CSMD1: variants seen among roughly 807,000 people sequenced by gnomAD.
CSMD1 encodes CUB and Sushi multiple domains 1.
Under a neutral mutation model 417.5 loss-of-function variants are expected in CSMD1, and 213 were observed. The observed-to-expected ratio is 0.51, with a 90% CI of 0.46 to 0.57. The LOEUF (loss-of-function observed/expected upper bound fraction) is 0.57. CSMD1 is among the 20% of genes least tolerant of loss of function. CSMD1 has a pLI of 0.00. For missense variants in CSMD1, 6,923 were observed against 4,529.7 expected (o/e 1.53, Z -15.17); for synonymous variants, 2,862 against 1,736.8 (o/e 1.65, Z -16.11).
chr8:4,683,156 T>C (rs1806153194), intron 1 of CSMD1, among the ~76,000 whole-genome samples: 2 of 151,960 alleles, frequency 1.3e-5, no homozygotes, highest in Admixed American at 6.6e-5. Flanking sequence ...TCTGATCTGT[T>C]AATGTTTTTA....
chr8:4,230,287 A>G (rs1362170894), intron 3 of CSMD1, among the ~76,000 whole-genome samples: 1 of 152,216 alleles, frequency 6.6e-6, no homozygotes, highest in Non-Finnish European at 1.5e-5. Flanking sequence ...GATTTATATT[A>G]AAACATTTAA....
At chr8:3,729,268 G>T (rs1445547811) in intron 6 of CSMD1, among the ~76,000 whole-genome samples, 1 of 152,170 alleles carries the variant, frequency 6.6e-6, no homozygotes, top group Non-Finnish European at 1.5e-5. Context: ...CTTGCTACAG[G>T]AAGTGTTCAC....
intron 7 of CSMD1, among the ~76,000 whole-genome samples, chr8:3,668,317 G>A (rs1365016376): frequency 6.6e-6 from 1 of 152,194 alleles, no homozygotes; most frequent in Non-Finnish European, 1.5e-5. Context: ...GGATTAGGAA[G>A]GAGGGGCATG....
chr8:3,273,862 T>C (rs1366216240), intron 26 of CSMD1, among the ~76,000 whole-genome samples: 2 of 152,194 alleles, frequency 1.3e-5, no homozygotes, highest in African/African-American at 2.4e-5. Flanking sequence ...ATTTTGTGGA[T>C]CCTTTCAAAA....
chr8:4,411,527 T>G (rs1796649087), intron 3 of CSMD1, among the ~76,000 whole-genome samples: 1 of 152,232 alleles, frequency 6.6e-6, no homozygotes, highest in Non-Finnish European at 1.5e-5. Context: ...CATCAGACAT[T>G]TCTTAACTCT....
chr8:4,407,038 A>G (rs2128932121), intron 3 of CSMD1, among the ~76,000 whole-genome samples: 1 of 152,322 alleles, frequency 6.6e-6, no homozygotes, highest in South Asian at 2.1e-4. Flanking sequence ...CTTGGTAAAT[A>G]AAGATTTATT....
chr8:3,792,994 C>G (rs564103522), intron 5 of CSMD1, among the ~76,000 whole-genome samples: 1 of 152,148 alleles, frequency 6.6e-6, no homozygotes, highest in African/African-American at 2.4e-5. Flanking sequence ...CACTCTACCA[C>G]AGGTGTGAAT....
At chr8:3,281,413 C>A (rs1397598444) in intron 26 of CSMD1, among the ~76,000 whole-genome samples, 1 of 152,110 alleles carries the variant, frequency 6.6e-6, no homozygotes, top group Non-Finnish European at 1.5e-5. Context: ...CACTGCACTC[C>A]AGCCTGGGCG....
At chr8:3,531,482 G>C (rs892605398) in intron 10 of CSMD1, among the ~76,000 whole-genome samples, 1 of 152,102 alleles carries the variant, frequency 6.6e-6, no homozygotes, top group African/African-American at 2.4e-5. Context: ...TCCTGTCATT[G>C]TGAGATTATT....
At chr8:3,708,878 C>G (rs1801331958) in intron 6 of CSMD1, among the ~76,000 whole-genome samples, 1 of 152,074 alleles carries the variant, frequency 6.6e-6, no homozygotes, top group Non-Finnish European at 1.5e-5. Flanking sequence ...TTGCTATAAT[C>G]ATGAAAAAAA....
At chr8:4,713,327 T>C (rs191736210) in intron 1 of CSMD1, among the ~76,000 whole-genome samples, 118 of 152,326 alleles carry the variant, frequency 7.7e-4, no homozygotes, top group African/African-American at 2.8e-3. Flanking sequence ...CATCCGGTGG[T>C]GTGGTGTCTT....
intron 3 of CSMD1, among the ~76,000 whole-genome samples, chr8:4,243,762 C>G (rs1340645250): frequency 1.3e-5 from 2 of 152,136 alleles, no homozygotes; most frequent in African/African-American, 2.4e-5. Flanking sequence ...TGTCATCATT[C>G]TAGTATTCAA....
In CSMD1 at chr8:3,367,240, T is replaced by A; in HGVS notation, c.2907A>T (p.Gln969His). Residue 969 changes from glutamine (Q) to histidine (H), a missense_variant, in exon 20 of 70, where the codon CAA becomes CAT. By Grantham distance (24) the Gln-to-His change is conservative. Coordinates refer to ENST00000635120, the MANE Select transcript of CSMD1 (RefSeq NM_033225.6). ...CAAGATGAAAGGTGTGAAAGATCATTTGAACTCCTGAGAAATGAAGCCGGG... is the reference window on the plus strand; with the variant it reads ...CAAGATGAAAGGTGTGAAAGATCATATGAACTCCTGAGAAATGAAGCCGGG... ...TIEVSHGKGVQMIFHTFHLES... is the reference protein window; with the variant it reads ...TIEVSHGKGVHMIFHTFHLES... The A allele has an allele frequency of 6.2e-7, 1 of 1,609,646 alleles. No individual in the cohort carries two copies. Among genetic ancestry groups the A allele is most frequent in the Non-Finnish European group, 8.5e-7 (1 of 1,177,842 alleles).
intron 63 of CSMD1, 53 bp from the exon 64 acceptor site, chr8:2,955,821 T>C: frequency 6.5e-7 from 1 of 1,533,370 alleles, no homozygotes; most frequent in African/African-American, 1.4e-5. Context: ...AGTTAGCACA[T>C]GTGTCTAGAG....
intron 5 of CSMD1, among the ~76,000 whole-genome samples, chr8:3,836,353 G>A (rs928351213): frequency 2.6e-5 from 4 of 152,226 alleles, no homozygotes; most frequent in Non-Finnish European, 2.9e-5. Context: ...TGAGGAACTA[G>A]CTATATCCTT....
intron 55 of CSMD1, 35 bp downstream of exon 55, chr8:2,978,577 T>G: frequency 1.3e-6 from 2 of 1,514,770 alleles, no homozygotes; most frequent in East Asian, 2.5e-5. Flanking sequence ...CTTGCAGGGG[T>G]CTCTGCACAG....
At chr8:4,345,187 A>T (rs1334746493) in intron 3 of CSMD1, among the ~76,000 whole-genome samples, 1 of 152,172 alleles carries the variant, frequency 6.6e-6, no homozygotes, top group Non-Finnish European at 1.5e-5. Flanking sequence ...CATGCAAGAC[A>T]TCGCATTGAT....
intron 3 of CSMD1, among the ~76,000 whole-genome samples, chr8:4,300,746 G>T (rs1031332401): frequency 1.3e-5 from 2 of 152,054 alleles, no homozygotes; most frequent in African/African-American, 4.8e-5. Flanking sequence ...CACGTGTTCT[G>T]GTTGTTCAAT....
intron 2 of CSMD1, among the ~76,000 whole-genome samples, chr8:4,441,164 C>T (rs1252217373): frequency 8.6e-6 from 1 of 116,256 alleles, no homozygotes; most frequent in Non-Finnish European, 1.6e-5. Context: ...AGTGGTACAA[C>T]CTTGGTTCAC....
Sources: gnomAD v4.1 joint callset for allele counts (sites outside exome capture counted in the v4.1 genomes callset) on GRCh38, gnomAD v4.1.1 for gene constraint, MANE v1.5 for transcripts, NCBI Gene and HGNC (gene_info 2026-07-23, HGNC 2026-07-21) for gene names.